The following LRP6 variants were observed in gnomAD, a reference collection of about 807,000 sequenced individuals.
LRP6 encodes the protein LDL receptor related protein 6.
LRP6 carries 43 observed loss-of-function variants against 184.1 expected under a neutral mutation model. The observed-to-expected ratio is 0.23, with a 90% confidence interval of 0.18 to 0.30. LRP6 has a LOEUF of 0.30. Among genes scored for constraint, LRP6 ranks in the 10% least tolerant of loss-of-function variants. LRP6 has a pLI of 1.00. For synonymous variants in LRP6, 719 were observed against 684.9 expected (o/e 1.05, Z -0.78); for missense variants, 1,571 against 2,005.3 (o/e 0.78, Z 4.14).
chr12:12,224,023 G>A (rs1422338378), intron 2 of LRP6, among the ~76,000 whole-genome samples: 1 of 152,028 alleles, frequency 6.6e-6, no homozygotes, highest in Non-Finnish European at 1.5e-5. Flanking sequence ...AGTGCCTTTT[G>A]CCTTTAGTAT....
intron 1 of LRP6, among the ~76,000 whole-genome samples, chr12:12,257,315 A>G (rs1368065664): frequency 6.6e-6 from 1 of 152,180 alleles, no homozygotes; most frequent in Non-Finnish European, 1.5e-5. Flanking sequence ...GCGGTGGCTC[A>G]CGCCTGTAAT....
chr12:12,161,461 G>T, intron 10 of LRP6, among the ~76,000 whole-genome samples: 1 of 151,978 alleles, frequency 6.6e-6, no homozygotes, highest in East Asian at 1.9e-4. Flanking sequence ...GTAGTTACGG[G>T]GTTTCACCAT....
chr12:12,198,019 A>G (rs1206198202), intron 3 of LRP6, among the ~76,000 whole-genome samples: 1 of 152,214 alleles, frequency 6.6e-6, no homozygotes, highest in African/African-American at 2.4e-5. Flanking sequence ...GCAAAATTCA[A>G]GCAATTCTCC....
intron 19 of LRP6, 22 bp from the exon 20 acceptor site, chr12:12,126,943 G>C (rs1259321833): frequency 6.3e-7 from 1 of 1,581,574 alleles, no homozygotes; most frequent in South Asian, 1.1e-5. Flanking sequence ...AATGCAGTAT[G>C]GTTATTTAAT....
intron 11 of LRP6, 70 bp from the exon 12 acceptor site, chr12:12,159,225 C>G (rs1242568163): frequency 1.7e-6 from 2 of 1,187,270 alleles, no homozygotes; most frequent in Non-Finnish European, 2.5e-6. Context: ...AAGTGTCTTG[C>G]TGGCAAAAAG....
At chr12:12,211,895 A>G (rs1484602816) in intron 2 of LRP6, among the ~76,000 whole-genome samples, 1 of 152,202 alleles carries the variant, frequency 6.6e-6, no homozygotes, top group Non-Finnish European at 1.5e-5. Context: ...TAACTCTAGT[A>G]ATTTTTCAAA....
chr12:12,203,720 A>G, intron 2 of LRP6, among the ~76,000 whole-genome samples: 1 of 152,210 alleles, frequency 6.6e-6, no homozygotes, highest in Admixed American at 6.5e-5. Flanking sequence ...GTAAGCTGAG[A>G]TTGTGCTACT....
At chr12:12,220,295 A>G (rs2135868592) in intron 2 of LRP6, among the ~76,000 whole-genome samples, 1 of 152,208 alleles carries the variant, frequency 6.6e-6, no homozygotes, top group East Asian at 1.9e-4. Context: ...CTCAAAAAAA[A>G]AAAAAAAATT....
At chr12:12,138,998 C>A in intron 15 of LRP6, 1 of 1,326,132 alleles carries the variant, frequency 7.5e-7, no homozygotes, top group Non-Finnish European at 1.0e-6. Flanking sequence ...TATTTCTAAT[C>A]ATCTCAGACA....
intron 2 of LRP6, among the ~76,000 whole-genome samples, chr12:12,209,674 T>G (rs1030925989): frequency 6.6e-6 from 1 of 152,232 alleles, no homozygotes; most frequent in Admixed American, 6.5e-5. Flanking sequence ...CAGAAAATTT[T>G]TAAAAAGTAT....
intron 3 of LRP6, among the ~76,000 whole-genome samples, chr12:12,190,069 T>A (rs1233418499): frequency 1.3e-5 from 2 of 152,198 alleles, no homozygotes; most frequent in African/African-American, 4.8e-5. Flanking sequence ...AAATTAAATG[T>A]TTTTAAGAAA....
intron 1 of LRP6, chr12:12,249,038 CT>C: frequency 1.5e-6 from 1 of 668,582 alleles, no homozygotes; most frequent in Non-Finnish European, 2.7e-6. Context: ...CAATTTCCCA[CT>C]TTTGGAAGAA....
intron 15 of LRP6, among the ~76,000 whole-genome samples, chr12:12,141,001 GAGAAA>G (rs1051516341): frequency 1.4e-3 from 208 of 152,290 alleles, no homozygotes; most frequent in African/African-American, 4.8e-3. Context: ...CCAGCAAACT[GAGAAA>G]AGAAGTTAAA....
At chr12:12,227,598 G>A (rs757996479) in intron 2 of LRP6, among the ~76,000 whole-genome samples, 55 of 151,866 alleles carry the variant, frequency 3.6e-4, no homozygotes, top group Non-Finnish European at 1.9e-4. Flanking sequence ...TGGTAGAGAC[G>A]GGGTTTCACC....
intron 2 of LRP6, among the ~76,000 whole-genome samples, chr12:12,208,941 C>T (rs1864137457): frequency 6.6e-6 from 1 of 152,066 alleles, no homozygotes; most frequent in South Asian, 2.1e-4. Flanking sequence ...AAAACAAGTC[C>T]ACAGCACACT....
intron 12 of LRP6, among the ~76,000 whole-genome samples, chr12:12,156,945 A>G (rs1025420247): frequency 1.3e-5 from 2 of 152,234 alleles, no homozygotes; most frequent in African/African-American, 4.8e-5. Flanking sequence ...TTTCTGTAAT[A>G]AAGTTTTACT....
intron 4 of LRP6, among the ~76,000 whole-genome samples, chr12:12,185,200 G>A (rs1239652063): frequency 6.6e-6 from 1 of 152,164 alleles, no homozygotes; most frequent in East Asian, 1.9e-4. Context: ...TAGGGAGGCT[G>A]AGGTGGAAAG....
At chr12:12,147,216 A>G in intron 15 of LRP6, 150 bp downstream of exon 15, 2 of 749,658 alleles carry the variant, frequency 2.7e-6, no homozygotes, top group Non-Finnish European at 4.4e-6. Context: ...GTTGAAGAAA[A>G]AGCTCTTCAC....
intron 17 of LRP6, among the ~76,000 whole-genome samples, chr12:12,133,778 A>G (rs1949789907): frequency 7.0e-6 from 1 of 142,056 alleles, no homozygotes; most frequent in Non-Finnish European, 1.5e-5. Context: ...ACATAAAGAG[A>G]AATTTTTCTA....
Sources: allele counts gnomAD v4.1 joint callset (sites outside exome capture counted in the v4.1 genomes callset), GRCh38; gene constraint gnomAD v4.1.1; transcripts MANE v1.5; gene names NCBI Gene and HGNC (gene_info 2026-07-23, HGNC 2026-07-21).